Variants in PDE5A observed in about 807,000 individuals in gnomAD.
PDE5A encodes the protein phosphodiesterase 5A.
In PDE5A, 67 loss-of-function variants were observed where a neutral mutation model predicts 110.2. The ratio of observed to expected loss-of-function variants is 0.61; its 90% CI spans 0.50 to 0.75. The LOEUF is 0.75. PDE5A is among the 30% of genes least tolerant of loss of function. The pLI, the probability that PDE5A is intolerant of heterozygous loss-of-function variation, is 0.00. For synonymous variants in PDE5A, 328 were observed against 351.2 expected, an observed-to-expected ratio of 0.93 and a Z score of 0.74; for missense variants, 862 against 1,045.1, an observed-to-expected ratio of 0.82 and a Z score of 2.42.
At chr4:119,624,891 G>C (rs1730284141) in intron 1 of PDE5A, among the ~76,000 whole-genome samples, 1 of 152,182 alleles carries the variant, frequency 6.6e-6, no homozygotes, top group South Asian at 2.1e-4. Flanking sequence ...GAGTTTTCCA[G>C]ATGTGATTTA....
chr4:119,592,506 T>A lies in PDE5A; in HGVS notation c.831+4017A>T, dbSNP rs1729015759. 2.2e-5 allele frequency among the ~76,000 whole-genome samples: 3 copies of A among 135,258 alleles called. No homozygotes were observed. The Admixed American group carries it at 2.3e-4, about 10-fold the overall frequency. 88.7% of individuals were successfully genotyped at this position (135,258 alleles called of 152,430 possible). ...AAAAAAAGCTGTGTTCTGGAAGCCC[T>A]CTCTTGAATAAAGTTACAGATTGAA... On this transcript the variant is annotated intron_variant, in intron 3 of 20. Coordinates refer to ENST00000354960, the MANE Select transcript of PDE5A (RefSeq NM_001083.4).
At chr4:119,526,332 C>T (rs1360725850) in intron 11 of PDE5A, among the ~76,000 whole-genome samples, 1 of 152,138 alleles carries the variant, frequency 6.6e-6, no homozygotes, top group African/African-American at 2.4e-5. Flanking sequence ...TCACACAAGC[C>T]TGATCATAAG....
At chr4:119,502,379 A>C (rs763150488) in intron 19 of PDE5A, 1 of 400,168 alleles carries the variant, frequency 2.5e-6, no homozygotes, top group East Asian at 3.9e-5. Flanking sequence ...CAATATGATG[A>C]ACCCAAGAGT....
At position 119,627,109 on chromosome 4, in the gene PDE5A, A is replaced by G; in HGVS notation, c.152+1411T>C. 6.2e-7 allele frequency: 1 copy of G among 1,601,976 alleles called. No individual in the cohort carries two copies. The highest frequency in any genetic ancestry group is 8.5e-7 in the Non-Finnish European group (1 of 1,173,036). On this transcript the variant is annotated intron_variant, in intron 1 of 20. Transcript: ENST00000354960. The surrounding 1 kb of genome is among the most constrained non-coding windows in gnomAD (Gnocchi z 4.6). ...CACCCGAGACCCGCCGCGCCCCCGG[A>G]AAAAGTGGGAAGGGACGTAGGGGGA...
rs1730043135 is a variant in PDE5A at position 119,618,965 on chromosome 4, AG to A, written c.152+9554del. Among the ~76,000 whole-genome samples the A allele has an allele frequency of 2.6e-5, 4 of 152,268 alleles. No individual in the cohort carries two copies. The South Asian group carries it at 8.3e-4, about 32-fold the overall frequency. The stretch of plus-strand genomic sequence containing the variant: ...GCAGTAACTTTTGGGGGAGATTTGC[AG>A]GGTGTATTTTTGTGTTTATAAGTCA... On this transcript the variant is annotated intron_variant, in intron 1 of 20. Coordinates refer to ENST00000354960, the MANE Select transcript of PDE5A (RefSeq NM_001083.4).
intron 3 of PDE5A, among the ~76,000 whole-genome samples, chr4:119,572,499 T>C (rs1728175468): frequency 1.3e-5 from 2 of 152,226 alleles, no homozygotes; most frequent in South Asian, 2.1e-4. Context: ...ATTTTCTTAA[T>C]AAGCCATTAA....
At position 119,525,119 on chromosome 4, in the gene PDE5A, A is replaced by G. The variant is rs1726264662; in HGVS notation, c.1779+430T>C. On this transcript the variant is annotated intron_variant, in intron 12 of 20. Coordinates refer to ENST00000354960, the MANE Select transcript of PDE5A (RefSeq NM_001083.4). This position sits in a 1 kb window ranked among gnomAD's most constrained non-coding sequence, Gnocchi z 4.3. ...CAGTGAGATCATGCTACTTCTCTGC[A>G]TAAAATTCCTGTGACTCACCATTGT... 6.6e-6 allele frequency among the ~76,000 whole-genome samples: 1 copy of G among 152,082 alleles called. No homozygotes were observed. The highest frequency in any genetic ancestry group is 1.5e-5 in the Non-Finnish European group (1 of 68,006).
At chr4:119,581,245 T>A (rs562816677) in intron 3 of PDE5A, among the ~76,000 whole-genome samples, 1 of 150,314 alleles carries the variant, frequency 6.7e-6, no homozygotes, top group African/African-American at 2.4e-5. Flanking sequence ...AAACACTAAA[T>A]AGGCTGAATA....
At position 119,628,802 on chromosome 4, in the gene PDE5A, G is replaced by A; in HGVS notation, c.-131C>T. The A allele has an allele frequency of 2.1e-6, 3 of 1,398,714 alleles. No individual in the cohort carries two copies. The highest frequency in any genetic ancestry group is 2.9e-6 in the Non-Finnish European group (3 of 1,022,394). 86.6% of individuals were successfully genotyped at this position (1,398,714 alleles called of 1,614,324 possible). A position where few individuals can be genotyped will look rare whatever the true frequency, so the allele number is the denominator to read the frequency against. On this transcript the variant is annotated 5_prime_UTR_variant, in exon 1 of 21. Coordinates refer to ENST00000354960, the MANE Select transcript of PDE5A (RefSeq NM_001083.4). Reference sequence around the variant, plus strand: ...TCCTGCTCCAGTCGGGCCGGCTTTCGACAAAGCGGCCGGAGCGCCAGGCCA... The same window carrying A: ...TCCTGCTCCAGTCGGGCCGGCTTTCAACAAAGCGGCCGGAGCGCCAGGCCA...
chr4:119,508,988 A>G (rs140503438), intron 15 of PDE5A, among the ~76,000 whole-genome samples: 352 of 152,156 alleles, frequency 2.3e-3, no homozygotes, highest in African/African-American at 8.3e-3. Flanking sequence ...TGCTTTTAAA[A>G]AAGCATATTT....
intron 9 of PDE5A, among the ~76,000 whole-genome samples, chr4:119,545,907 C>T (rs1421538550): frequency 6.6e-6 from 1 of 152,126 alleles, no homozygotes; most frequent in Non-Finnish European, 1.5e-5. Context: ...TGTTTCTGCA[C>T]TTTTCATTTG....
intron 1 of PDE5A, among the ~76,000 whole-genome samples, chr4:119,622,669 C>T (rs558753880): frequency 3.3e-5 from 5 of 151,938 alleles, no homozygotes; most frequent in African/African-American, 1.2e-4. Context: ...GTCAGGAGAT[C>T]GAGACCATCC....
At chr4:119,619,971 C>T (rs1730084002) in intron 1 of PDE5A, among the ~76,000 whole-genome samples, 4 of 152,144 alleles carry the variant, frequency 2.6e-5, no homozygotes, top group Non-Finnish European at 4.4e-5. Flanking sequence ...GGTGCCAACC[C>T]TTGAGGGGCA....
At chr4:119,579,589 A>C (rs2110520093) in intron 3 of PDE5A, among the ~76,000 whole-genome samples, 2 of 152,004 alleles carry the variant, frequency 1.3e-5, no homozygotes, top group East Asian at 3.9e-4. Flanking sequence ...TATCACAAGG[A>C]CAAAAAAACC....
chr4:119,585,920 T>C (rs867435375), intron 3 of PDE5A, among the ~76,000 whole-genome samples: 1 of 152,182 alleles, frequency 6.6e-6, no homozygotes. Context: ...AGAGCCCACA[T>C]GGTGAGGAAT....
chr4:119,603,380 ATACATAC>A (rs1560636735), intron 2 of PDE5A, among the ~76,000 whole-genome samples: 22 of 2,930 alleles, frequency 7.5e-3, no homozygotes, highest in Non-Finnish European at 0.017. Context: ...AAATAAATAC[ATACATAC>A]ATACATACAT....
chr4:119,591,163 C>T (rs1390895948), intron 3 of PDE5A, among the ~76,000 whole-genome samples: 1 of 152,054 alleles, frequency 6.6e-6, no homozygotes, highest in African/African-American at 2.4e-5. Context: ...GGCTTTGGTC[C>T]CAGTTAGCTG....
intron 2 of PDE5A, among the ~76,000 whole-genome samples, chr4:119,604,033 A>G (rs896991764): frequency 1.2e-4 from 19 of 152,220 alleles, no homozygotes; most frequent in African/African-American, 4.3e-4. Flanking sequence ...TTAGATCACA[A>G]TGTAAATTAG....
chr4:119,553,388 C>CT (rs113395950), intron 8 of PDE5A, among the ~76,000 whole-genome samples: 40,967 of 151,716 alleles, frequency 0.27, 5,536 homozygotes, highest in East Asian at 0.38. Flanking sequence ...AGCTAAATTA[C>CT]TTCAAAAATA....
Sources: allele counts gnomAD v4.1 joint callset (sites outside exome capture counted in the v4.1 genomes callset), GRCh38; gene constraint gnomAD v4.1.1; non-coding constraint Gnocchi (gnomAD v3.1); transcripts MANE v1.5; gene names NCBI Gene and HGNC (gene_info 2026-07-23, HGNC 2026-07-21).